Variants in ECHDC1 observed in about 807,000 individuals in gnomAD.
ECHDC1 encodes the protein ethylmalonyl-CoA decarboxylase.
In ECHDC1, 29 loss-of-function variants were observed where a neutral mutation model predicts 29.7. The ratio of observed to expected loss-of-function variants is 0.98; its 90% confidence interval spans 0.73 to 1.33. The LOEUF (loss-of-function observed/expected upper bound fraction) is 1.33, where lower values mean the gene tolerates loss of function less well. ECHDC1 is among the 40% of genes most tolerant of loss of function. ECHDC1 has a pLI of 0.00. For synonymous variants in ECHDC1, 126 were observed against 123.1 expected (o/e 1.02, Z -0.15); for missense variants, 328 against 350.0 (o/e 0.94, Z 0.50).
Position 127,316,500 on chromosome 6 carries a change from A to G in ECHDC1, c.366T>C (p.Asp122=), listed in dbSNP as rs1782392548. ...GCATGAACATGCATACGGCCATTCCATCCTTTAAATAAAAATAAGCAGAAA... is the reference window on the plus strand; with the variant it reads ...GCATGAACATGCATACGGCCATTCCGTCCTTTAAATAAAAATAAGCAGAAA... ...NAVKSLGTPE[D]GMAVCMFMQN... is the part of the protein sequence containing the mutation. The change falls in exon 4 of 6, where the codon GAT becomes GAC. Residue 122 remains aspartate (D), a splice_region_variant and synonymous_variant. Transcript: ENST00000454859. 1.2e-6 allele frequency: 2 copies of G among 1,600,096 alleles called. No homozygotes were observed. Among genetic ancestry groups the G allele is most frequent in the East Asian group, 2.3e-5 (1 of 44,290 alleles).
chr6:127,325,086 GA>G (rs1293826851), intron 3 of ECHDC1, among the ~76,000 whole-genome samples: 3 of 152,184 alleles, frequency 2.0e-5, no homozygotes, highest in Non-Finnish European at 4.4e-5. Flanking sequence ...CATCATTAGT[GA>G]TAAGTCACCT....
Position 127,311,623 on chromosome 6 carries a change from G to C in ECHDC1, c.497+3193C>G, listed in dbSNP as rs1225799704. Reference sequence around the variant, plus strand: ...TGGGAGGTGGAGGTTGCAGTGAGCTGAGATCGTGCCATTGCACTCCAGCCT... The same window carrying C: ...TGGGAGGTGGAGGTTGCAGTGAGCTCAGATCGTGCCATTGCACTCCAGCCT... On this transcript the variant is annotated intron_variant, in intron 5 of 5. Coordinates refer to ENST00000454859, the MANE Select transcript of ECHDC1 (RefSeq NM_001002030.2). Among the ~76,000 whole-genome samples, 10 of 129,192 alleles carry C rather than the reference G, an allele frequency of 7.7e-5. No individual in the cohort carries two copies. The East Asian group carries it at 2.4e-3, about 31-fold the overall frequency. 84.8% of individuals were successfully genotyped at this position (129,192 alleles called of 152,430 possible). A position where few individuals can be genotyped will look rare whatever the true frequency, so the allele number is the denominator to read the frequency against.
At chr6:127,307,870 A>C (rs1383064763) in intron 5 of ECHDC1, among the ~76,000 whole-genome samples, 1 of 152,040 alleles carries the variant, frequency 6.6e-6, no homozygotes, top group Non-Finnish European at 1.5e-5. Context: ...GAGCAACTAC[A>C]TGTCAATAAA....
At chr6:127,293,836 T>C (rs1050214624) in intron 5 of ECHDC1, among the ~76,000 whole-genome samples, 3 of 152,140 alleles carry the variant, frequency 2.0e-5, no homozygotes, top group Non-Finnish European at 4.4e-5. Flanking sequence ...AGTATAAAGT[T>C]GTCCCCTGGA....
intron 5 of ECHDC1, among the ~76,000 whole-genome samples, chr6:127,310,381 T>C (rs1263155055): frequency 2.0e-5 from 3 of 151,884 alleles, no homozygotes; most frequent in Non-Finnish European, 4.4e-5. Flanking sequence ...TATGTACTCA[T>C]GAAAGTTAAA....
intron 2 of ECHDC1, chr6:127,329,805 T>C (rs1479888370): frequency 2.4e-6 from 1 of 411,078 alleles, no homozygotes. Context: ...ATATTTAAAA[T>C]TGCACATGTG....
At chr6:127,324,652 A>G (rs551376118) in intron 3 of ECHDC1, among the ~76,000 whole-genome samples, 1 of 152,328 alleles carries the variant, frequency 6.6e-6, no homozygotes, top group East Asian at 1.9e-4. Context: ...GGGAAAATAC[A>G]AGATTAACTT....
At chr6:127,330,763 GT>G (rs1783849090) in intron 2 of ECHDC1, 45 bp downstream of exon 2, 2 of 1,532,144 alleles carry the variant, frequency 1.3e-6, no homozygotes, top group Non-Finnish European at 1.8e-6. Context: ...TGTGATAACA[GT>G]TTAGATTTAG....
chr6:127,341,151 T>C (rs1481666448), intron 1 of ECHDC1, among the ~76,000 whole-genome samples: 1 of 152,236 alleles, frequency 6.6e-6, no homozygotes, highest in Non-Finnish European at 1.5e-5. Flanking sequence ...TCTCTCATTC[T>C]ATTCCCTCCC....
At chr6:127,339,950 A>T (rs1164043958) in intron 1 of ECHDC1, among the ~76,000 whole-genome samples, 4 of 152,194 alleles carry the variant, frequency 2.6e-5, no homozygotes, top group Non-Finnish European at 5.9e-5. Context: ...CACCTTCTCC[A>T]TCACTCCTAG....
chr6:127,340,345 T>C (rs1002676974), intron 1 of ECHDC1, among the ~76,000 whole-genome samples: 5 of 152,236 alleles, frequency 3.3e-5, no homozygotes, highest in Non-Finnish European at 7.3e-5. Context: ...TTCTATTTAC[T>C]GAGGATGAAG....
rs867740035 is a variant in ECHDC1, at chr6:127,322,206, T to G, written c.363+4796A>C. ...CTGTAATCCCAGCTACTTAGGAGGCTGAAGCAGGAGAATCACTTGAACCCA... is the reference window on the plus strand; with the variant it reads ...CTGTAATCCCAGCTACTTAGGAGGCGGAAGCAGGAGAATCACTTGAACCCA... On this transcript the variant is annotated intron_variant, in intron 3 of 5. Coordinates refer to ENST00000454859, the MANE Select transcript of ECHDC1 (RefSeq NM_001002030.2). Among the ~76,000 whole-genome samples, 13 of 152,146 alleles carry G rather than the reference T, an allele frequency of 8.5e-5. No individual in the cohort carries two copies. In the Middle Eastern group the frequency reaches 0.014, roughly 159 times the overall value.
At chr6:127,297,980 C>T (rs992032091) in intron 5 of ECHDC1, among the ~76,000 whole-genome samples, 8 of 152,116 alleles carry the variant, frequency 5.3e-5, no homozygotes, top group Non-Finnish European at 8.8e-5. Flanking sequence ...CCTCAGACAA[C>T]GAGACCATTC....
chr6:127,325,521 T>C (rs1783248142), intron 3 of ECHDC1, among the ~76,000 whole-genome samples: 1 of 152,078 alleles, frequency 6.6e-6, no homozygotes, highest in Non-Finnish European at 1.5e-5. Flanking sequence ...ATACACCCAT[T>C]AAACCATCAC....
At chr6:127,290,314 C>G in intron 5 of ECHDC1, 37 bp from the exon 6 acceptor site, 3 of 1,571,194 alleles carry the variant, frequency 1.9e-6, no homozygotes, top group Non-Finnish European at 2.6e-6. Flanking sequence ...TTGTAACTCT[C>G]TCTGTATGCT....
intron 1 of ECHDC1, chr6:127,331,935 T>G: frequency 1.1e-6 from 1 of 949,798 alleles, no homozygotes; most frequent in Non-Finnish European, 1.3e-6. Context: ...TTCTGTCACT[T>G]TTCTCCTCTT....
At chr6:127,302,744 A>G (rs1459495820) in intron 5 of ECHDC1, among the ~76,000 whole-genome samples, 1 of 152,134 alleles carries the variant, frequency 6.6e-6, no homozygotes, top group African/African-American at 2.4e-5. Flanking sequence ...TTTTATATTT[A>G]TATATGTATT....
chr6:127,335,686 A>G (rs1332442462), intron 1 of ECHDC1, among the ~76,000 whole-genome samples: 3 of 152,152 alleles, frequency 2.0e-5, no homozygotes, highest in Non-Finnish European at 1.5e-5. Context: ...TAATGAAAGC[A>G]CTGGGTGACC....
At position 127,290,029 on chromosome 6, in the gene ECHDC1, C is replaced by T; in HGVS notation, c.746G>A (p.Gly249Glu). The change falls in exon 6 of 6, where the codon GGG (glycine) becomes GAG (glutamate). Residue 249 changes from glycine (G) to glutamate (E), a missense_variant. Physicochemically the swap from Gly to Glu is moderately conservative, Grantham distance 98 (BLOSUM62 -2). Transcript: ENST00000454859. ...AQEWLKQFIQGPPEVIRALKK... is the reference protein window; with the variant it reads ...AQEWLKQFIQEPPEVIRALKK... ...CAAAGCTCTAATTACTTCCGGTGGCCCTTGGATGAATTGCTTTAGCCATTC... is the reference window on the plus strand; with the variant it reads ...CAAAGCTCTAATTACTTCCGGTGGCTCTTGGATGAATTGCTTTAGCCATTC... 3 of 1,613,620 alleles carry T rather than the reference C, an allele frequency of 1.9e-6. No individual in the cohort carries two copies. The highest frequency in any genetic ancestry group is 2.5e-6 in the Non-Finnish European group (3 of 1,179,756).
Sources: allele counts gnomAD v4.1 joint callset (sites outside exome capture counted in the v4.1 genomes callset), GRCh38; gene constraint gnomAD v4.1.1; transcripts MANE v1.5; gene names NCBI Gene and HGNC (gene_info 2026-07-23, HGNC 2026-07-21).